SYCP1: variants seen among roughly 807,000 people sequenced by gnomAD.
SYCP1 encodes synaptonemal complex protein 1.
In SYCP1, 64 loss-of-function variants were observed where a neutral mutation model predicts 153.1. That is an observed-to-expected ratio of 0.42 (90% CI 0.34 to 0.51). SYCP1 has a LOEUF of 0.51. SYCP1 is among the 20% of genes least tolerant of loss of function. SYCP1 has a pLI of 0.06. For missense variants in SYCP1, 997 were observed against 1,049.0 expected (o/e 0.95, Z 0.68); for synonymous variants, 384 against 341.8 (o/e 1.12, Z -1.36).
In SYCP1 at chr1:114,864,015, T is replaced by G. The variant is rs61083971; in HGVS notation, c.598+3206T>G. 2.5e-3 allele frequency among the ~76,000 whole-genome samples: 374 copies of G among 150,662 alleles called. 6 individuals carry two copies. The East Asian group carries it at 0.048, about 20-fold the overall frequency. On this transcript the variant is annotated intron_variant, in intron 8 of 31. Coordinates refer to ENST00000369522, the MANE Select transcript of SYCP1 (RefSeq NM_003176.4). Reference sequence around the variant, plus strand: ...GAGGGAGAGCATTAGGACAAATACCTAATGCAGGTGGGGCTTAAAACCTAG... The same window carrying G: ...GAGGGAGAGCATTAGGACAAATACCGAATGCAGGTGGGGCTTAAAACCTAG...
chr1:114,911,608 A>G, intron 18 of SYCP1, 26 bp downstream of exon 18: 1 of 1,312,740 alleles, frequency 7.6e-7, no homozygotes, highest in South Asian at 1.9e-5. Flanking sequence ...ATCTAAAAAT[A>G]GTTTATGTAC....
chr1:114,962,435 G>C (rs992707049), intron 27 of SYCP1, among the ~76,000 whole-genome samples: 1 of 152,044 alleles, frequency 6.6e-6, no homozygotes, highest in African/African-American at 2.4e-5. Context: ...TTTTTAAACT[G>C]TTGTTGCTTT....
In SYCP1 at chr1:114,878,093, G is replaced by T; in HGVS notation, c.802-1G>T. 1 of 1,462,920 alleles carries T rather than the reference G, an allele frequency of 6.8e-7. No individual in the cohort carries two copies. Among genetic ancestry groups the T allele is most frequent in the South Asian group, 1.2e-5 (1 of 81,290 alleles). The allele number at this position is 1,462,920 out of a possible 1,614,324, so 90.6% of individuals were successfully genotyped here. On this transcript the variant is annotated splice_acceptor_variant, in intron 11 of 31. Coordinates refer to ENST00000369522, the MANE Select transcript of SYCP1 (RefSeq NM_003176.4). LOFTEE classifies it high-confidence loss of function. ...GATAATGTATTATTTAAATATTTTA[G>T]GTATCACTACTATTGATCCAAATCA... is the stretch of plus-strand genomic sequence containing the variant.
chr1:114,941,129 A>C (rs958392331), intron 23 of SYCP1, among the ~76,000 whole-genome samples: 53 of 152,254 alleles, frequency 3.5e-4, no homozygotes, highest in African/African-American at 1.2e-3. Flanking sequence ...AACCCATGCA[A>C]ACTAGAAGTT....
At chr1:114,860,944 A>G (rs1484593169) in intron 8 of SYCP1, 135 bp downstream of exon 8, 5 of 611,434 alleles carry the variant, frequency 8.2e-6, no homozygotes, top group African/African-American at 5.7e-5. Flanking sequence ...GACTATTTTT[A>G]TATAAGTAAT....
intron 8 of SYCP1, among the ~76,000 whole-genome samples, chr1:114,870,991 T>C (rs1665074877): frequency 6.6e-6 from 1 of 152,230 alleles, no homozygotes; most frequent in South Asian, 2.1e-4. Flanking sequence ...GCATTTTATG[T>C]GATTCCAGTT....
At chr1:114,979,662 A>T (rs1412056198) in intron 28 of SYCP1, among the ~76,000 whole-genome samples, 1 of 151,890 alleles carries the variant, frequency 6.6e-6, no homozygotes, top group African/African-American at 2.4e-5. Flanking sequence ...ATAAATATGT[A>T]GGGAAAAGGA....
In SYCP1 at chr1:114,987,656, C is replaced by T. The variant is rs75880491; in HGVS notation, c.2703+2788C>T. 3.1e-3 allele frequency among the ~76,000 whole-genome samples: 475 copies of T among 151,986 alleles called. 1 individual carries two copies. The highest frequency in any genetic ancestry group is 5.9e-3 in the Non-Finnish European group (398 of 67,932). ...CTCCAGCCTAGGTGACAGAGTGAGA[C>T]CTTGTCTCTAAAAATTTTTTTAAAC... On this transcript the variant is annotated intron_variant, in intron 30 of 31. Coordinates refer to ENST00000369522, the MANE Select transcript of SYCP1 (RefSeq NM_003176.4).
intron 20 of SYCP1, among the ~76,000 whole-genome samples, chr1:114,918,922 T>G (rs1158258991): frequency 6.6e-6 from 1 of 151,964 alleles, no homozygotes; most frequent in Non-Finnish European, 1.5e-5. Context: ...TACTTGGAAA[T>G]ATACATGTTT....
At chr1:114,914,852 A>G (rs549110500) in intron 20 of SYCP1, among the ~76,000 whole-genome samples, 2 of 152,146 alleles carry the variant, frequency 1.3e-5, no homozygotes, top group Middle Eastern at 3.2e-3. Flanking sequence ...GTACAATACA[A>G]TCTAGATGAT....
rs555323730 is a variant in SYCP1, at chr1:114,969,177, G to C, written c.2323-8380G>C. Among the ~76,000 whole-genome samples the C allele has an allele frequency of 3.9e-5, 6 of 152,308 alleles. No homozygotes were observed. In the South Asian group the frequency reaches 1.2e-3, roughly 32 times the overall value. ...GTGGGTCAGGGACCCACTTGAGGAG[G>C]CAGTCTGTCCCTTAGCAGAACTCGA... On this transcript the variant is annotated intron_variant, in intron 27 of 31. Transcript: ENST00000369522.
chr1:114,957,704 G>T (rs575078440), intron 27 of SYCP1, among the ~76,000 whole-genome samples: 78 of 152,160 alleles, frequency 5.1e-4, no homozygotes, highest in African/African-American at 1.6e-3. Context: ...TAATCATCAG[G>T]GAAACACAAA....
intron 27 of SYCP1, among the ~76,000 whole-genome samples, chr1:114,969,335 G>T (rs1213450208): frequency 6.6e-6 from 1 of 152,130 alleles, no homozygotes; most frequent in Admixed American, 6.5e-5. Context: ...GAGATGCCCT[G>T]CCCAGAGAGG....
chr1:114,989,767 A>T (rs1673791536), intron 30 of SYCP1, among the ~76,000 whole-genome samples: 1 of 152,000 alleles, frequency 6.6e-6, no homozygotes, highest in South Asian at 2.1e-4. Context: ...AACACAAAGG[A>T]CATTAATAAT....
At chr1:114,928,184 A>T (rs537287213) in intron 23 of SYCP1, among the ~76,000 whole-genome samples, 3 of 152,290 alleles carry the variant, frequency 2.0e-5, no homozygotes, top group African/African-American at 7.2e-5. Flanking sequence ...AAACTTGCAG[A>T]TCCATGGCCC....
chr1:114,926,642 A>G, intron 23 of SYCP1, 79 bp downstream of exon 23: 1 of 1,243,244 alleles, frequency 8.0e-7, no homozygotes, highest in Non-Finnish European at 1.1e-6. Flanking sequence ...ACTTGTTTAT[A>G]CAGTATAAAT....
chr1:114,899,001 G>C (rs1049790910), intron 16 of SYCP1, among the ~76,000 whole-genome samples: 3 of 152,186 alleles, frequency 2.0e-5, no homozygotes, highest in Admixed American at 1.3e-4. Flanking sequence ...GCAGACAACG[G>C]TGTGAGGCCA....
chr1:114,935,319 C>T (rs1273935899), intron 23 of SYCP1, among the ~76,000 whole-genome samples: 3 of 136,780 alleles, frequency 2.2e-5, no homozygotes, highest in South Asian at 2.4e-4. Context: ...TGGTACATAA[C>T]GAAATGAAGG....
At chr1:114,899,649 C>T (rs992630273) in intron 16 of SYCP1, among the ~76,000 whole-genome samples, 17 of 152,128 alleles carry the variant, frequency 1.1e-4, no homozygotes, top group Non-Finnish European at 1.5e-4. Context: ...TTGGTACCTC[C>T]GTGGTTTACA....
Sources: allele counts gnomAD v4.1 joint callset (sites outside exome capture counted in the v4.1 genomes callset), GRCh38; gene constraint gnomAD v4.1.1; transcripts MANE v1.5; gene names NCBI Gene and HGNC (gene_info 2026-07-23, HGNC 2026-07-21).